Variants in AFG2A observed in about 807,000 individuals in gnomAD.
The protein encoded by AFG2A is ATPase family gene 2 protein homolog A.
chr4:123,064,842 G>T, the AFG2A span, among the ~76,000 whole-genome samples: 1 of 152,194 alleles, frequency 6.6e-6, no homozygotes, highest in African/African-American at 2.4e-5. Flanking sequence ...TCATTAGCTA[G>T]AGAGGCTCAT....
At chr4:122,978,796 A>G in the AFG2A span, among the ~76,000 whole-genome samples, 1 of 152,366 alleles carries the variant, frequency 6.6e-6, no homozygotes, top group Middle Eastern at 3.4e-3. Context: ...CACCTTGAGC[A>G]CATGAACACC....
chr4:123,200,772 C>G, the AFG2A span, among the ~76,000 whole-genome samples: 10 of 152,292 alleles, frequency 6.6e-5, no homozygotes, highest in Non-Finnish European at 1.3e-4. Context: ...TCCAAGGCAA[C>G]GTAGCTGTGA....
At chr4:123,071,713 A>G in the AFG2A span, among the ~76,000 whole-genome samples, 1 of 151,996 alleles carries the variant, frequency 6.6e-6, no homozygotes, top group South Asian at 2.1e-4. Flanking sequence ...GACAAAGGTA[A>G]CTTGTGTGTC....
the AFG2A span, among the ~76,000 whole-genome samples, chr4:123,298,961 A>G: frequency 2.0e-5 from 3 of 152,226 alleles, no homozygotes; most frequent in South Asian, 6.2e-4. Context: ...CAGCTATGCC[A>G]GGTTGCTGCC....
chr4:123,302,088 A>G, the AFG2A span, among the ~76,000 whole-genome samples: 1 of 152,192 alleles, frequency 6.6e-6, no homozygotes, highest in Non-Finnish European at 1.5e-5. Flanking sequence ...CATGGGGAAT[A>G]TTAAAACCAG....
At chr4:123,271,972 G>C in the AFG2A span, among the ~76,000 whole-genome samples, 2 of 151,942 alleles carry the variant, frequency 1.3e-5, no homozygotes, top group Non-Finnish European at 2.9e-5. Context: ...AGAATAATCA[G>C]TATTTCACTT....
the AFG2A span, among the ~76,000 whole-genome samples, chr4:123,054,832 T>C: frequency 6.6e-6 from 1 of 152,156 alleles, no homozygotes; most frequent in Non-Finnish European, 1.5e-5. Context: ...TTTTTGTGGC[T>C]ATCTTCTCAT....
the AFG2A span, among the ~76,000 whole-genome samples, chr4:123,080,628 T>G: frequency 6.6e-6 from 1 of 152,148 alleles, no homozygotes; most frequent in Non-Finnish European, 1.5e-5. Flanking sequence ...ACCATCTTTA[T>G]GACAAGGACT....
At chr4:122,992,752 A>G in the AFG2A span, among the ~76,000 whole-genome samples, 3 of 149,930 alleles carry the variant, frequency 2.0e-5, no homozygotes, top group East Asian at 2.1e-4. Flanking sequence ...TTAGGAGACC[A>G]CAAGTGTTAG....
chr4:123,164,881 A>G, the AFG2A span, among the ~76,000 whole-genome samples: 2 of 152,176 alleles, frequency 1.3e-5, no homozygotes, highest in African/African-American at 2.4e-5. Flanking sequence ...TGACACCTCT[A>G]CTTAATTAGT....
the AFG2A span, among the ~76,000 whole-genome samples, chr4:123,088,010 G>C: frequency 1.3e-5 from 2 of 152,104 alleles, no homozygotes; most frequent in African/African-American, 4.8e-5. Flanking sequence ...ATCTGATTAG[G>C]TCATGTCTCT....
the AFG2A span, among the ~76,000 whole-genome samples, chr4:123,068,385 A>C: frequency 1.3e-5 from 2 of 152,218 alleles, no homozygotes; most frequent in African/African-American, 4.8e-5. Context: ...ATTGTCACCT[A>C]ATCTTCAGCA....
At chr4:123,317,210 G>C in the AFG2A span, 3 of 124,318 alleles carry the variant, frequency 2.4e-5, no homozygotes, top group African/African-American at 8.8e-5. Context: ...GGGTGACAGA[G>C]TGAGACTCCG....
the AFG2A span, among the ~76,000 whole-genome samples, chr4:123,078,482 CAG>C: frequency 6.6e-6 from 1 of 152,184 alleles, no homozygotes; most frequent in Non-Finnish European, 1.5e-5. Context: ...AATAGCTAGT[CAG>C]TGTTTGGAAC....
At chr4:123,041,968 G>A in the AFG2A span, among the ~76,000 whole-genome samples, 2 of 152,186 alleles carry the variant, frequency 1.3e-5, no homozygotes, top group African/African-American at 4.8e-5. Context: ...TGAATATGAT[G>A]CAAGGCAGTG....
the AFG2A span, among the ~76,000 whole-genome samples, chr4:123,203,485 C>T: frequency 6.6e-6 from 1 of 152,154 alleles, no homozygotes; most frequent in Non-Finnish European, 1.5e-5. Context: ...ACCGTGTTGG[C>T]CAGGCTGGTC....
the AFG2A span, among the ~76,000 whole-genome samples, chr4:123,047,055 C>T: frequency 6.6e-6 from 1 of 152,118 alleles, no homozygotes; most frequent in Admixed American, 6.5e-5. Context: ...CTACAATAGA[C>T]ATAGGAGTGC....
the AFG2A span, among the ~76,000 whole-genome samples, chr4:123,262,150 G>A: frequency 6.6e-6 from 1 of 152,026 alleles, no homozygotes; most frequent in South Asian, 2.1e-4. Context: ...ATCAGTTCTT[G>A]TACTTCTTAA....
At chr4:122,952,646 G>C in the AFG2A span, among the ~76,000 whole-genome samples, 11 of 152,288 alleles carry the variant, frequency 7.2e-5, no homozygotes, top group Admixed American at 1.3e-4. Context: ...GGCGCAGTTT[G>C]AAAGCTGGAA....
Sources: allele counts gnomAD v4.1 joint callset (sites outside exome capture counted in the v4.1 genomes callset), GRCh38; gene constraint gnomAD v4.1.1; transcripts MANE v1.5; gene names NCBI Gene and HGNC (gene_info 2026-07-23, HGNC 2026-07-21).